Variants in TAB2 observed in about 807,000 individuals in gnomAD.
TAB2 encodes the protein TGF-beta-activated kinase 1 and MAP3K7-binding protein 2.
In TAB2, 3 loss-of-function variants were observed where a neutral mutation model predicts 65.0. That is an observed-to-expected ratio of 0.05 (90% CI 0.02 to 0.12). The LOEUF (loss-of-function observed/expected upper bound fraction) is 0.12, where lower values mean the gene tolerates loss of function less well. TAB2 is among the 10% of genes least tolerant of loss of function. The pLI is 1.00. For missense variants in TAB2, 623 were observed against 840.3 expected (o/e 0.74, Z 3.20); for synonymous variants, 298 against 285.1 (o/e 1.05, Z -0.46).
At chr6:149,386,504 G>A (rs117951327) in intron 3 of TAB2, among the ~76,000 whole-genome samples, 16 of 151,790 alleles carry the variant, frequency 1.1e-4, no homozygotes, top group East Asian at 9.7e-4. Context: ...TTTCTTTCTC[G>A]ATAAATTTAC....
intron 2 of TAB2, among the ~76,000 whole-genome samples, chr6:149,372,768 G>A (rs762671488): frequency 3.3e-5 from 5 of 152,180 alleles, no homozygotes; most frequent in Non-Finnish European, 5.9e-5. Flanking sequence ...AATAGGAAGA[G>A]CTCCTTCCTC....
intron 1 of TAB2, chr6:149,246,853 C>T (rs890707882): frequency 2.0e-5 from 3 of 152,394 alleles, no homozygotes; most frequent in African/African-American, 7.2e-5. Flanking sequence ...GATTTCCTCT[C>T]TGCAATATTG....
Position 149,397,985 on chromosome 6 carries a change from A to G in TAB2, c.1781A>G (p.Gln594Arg), listed in dbSNP as rs1428035306. Residue 594 changes from glutamine (Q) to arginine (R), a missense_variant, in exon 5 of 7, where the codon CAG becomes CGG. Gln to Arg is a conservative substitution (Grantham distance 43). This residue lies in a region of TAB2 where 56 missense variants were observed against 130.3 expected (regional missense o/e 0.43). Transcript: ENST00000637181. ...SQIPSLEEMQ[Q>R]LRSCNRQLQI... Reference sequence around the variant, plus strand: ...ATTTTTCAGCTTGAAGAAATGCAGCAGCTGAGAAGTTGTAATAGACAACTC... The same window carrying G: ...ATTTTTCAGCTTGAAGAAATGCAGCGGCTGAGAAGTTGTAATAGACAACTC... 1.3e-5 allele frequency: 21 copies of G among 1,613,588 alleles called. No individual in the cohort carries two copies. The highest frequency in any genetic ancestry group is 1.6e-5 in the Non-Finnish European group (19 of 1,179,870).
At chr6:149,360,574 T>A (rs544765675) in intron 1 of TAB2, among the ~76,000 whole-genome samples, 3 of 152,280 alleles carry the variant, frequency 2.0e-5, no homozygotes, top group African/African-American at 7.2e-5. Context: ...ACACTGGGGA[T>A]CATAATTCAA....
At chr6:149,271,817 T>A in intron 1 of TAB2, among the ~76,000 whole-genome samples, 1 of 152,142 alleles carries the variant, frequency 6.6e-6, no homozygotes, top group African/African-American at 2.4e-5. Context: ...AAGCAGAAGC[T>A]GCCTTTTGCA....
rs35922173 is a variant in TAB2, at chr6:149,324,826, C to CTTTT, written c.-90+6826_-90+6829dup. On this transcript the variant is annotated intron_variant, in intron 1 of 6. Coordinates refer to ENST00000637181, the MANE Select transcript of TAB2 (RefSeq NM_001292034.3). ...TGGTTTTAAACTGTGGAAAATATTA[C>CTTTT]TTTTTTTTTTTTTTTTTTGGAGTGC... is the stretch of plus-strand genomic sequence containing the variant. Among the ~76,000 whole-genome samples the CTTTT allele has an allele frequency of 2.9e-4, 38 of 132,800 alleles. 1 individual carries two copies. The highest frequency in any genetic ancestry group is 9.7e-4 in the African/African-American group (34 of 35,106). 87.1% of individuals were successfully genotyped at this position (132,800 alleles called of 152,430 possible). A position where few individuals can be genotyped will look rare whatever the true frequency, so the allele number is the denominator to read the frequency against.
intron 1 of TAB2, among the ~76,000 whole-genome samples, chr6:149,345,785 C>G (rs899867920): frequency 6.6e-6 from 1 of 151,930 alleles, no homozygotes; most frequent in Non-Finnish European, 1.5e-5. Flanking sequence ...TTTTGTGTGT[C>G]TTTATTTTTA....
intron 3 of TAB2, among the ~76,000 whole-genome samples, chr6:149,393,449 G>A (rs1583154796): frequency 1.3e-5 from 2 of 152,280 alleles, no homozygotes; most frequent in African/African-American, 2.4e-5. Context: ...GAAATATTCT[G>A]AAGAATTTAC....
intron 1 of TAB2, among the ~76,000 whole-genome samples, chr6:149,284,600 A>C (rs1373177247): frequency 6.7e-6 from 1 of 149,500 alleles, no homozygotes; most frequent in Non-Finnish European, 1.5e-5. Flanking sequence ...ATTAGATCTA[A>C]TTTTCACTCT....
At chr6:149,309,989 G>A (rs1779141087) in intron 1 of TAB2, among the ~76,000 whole-genome samples, 1 of 151,996 alleles carries the variant, frequency 6.6e-6, no homozygotes, top group African/African-American at 2.4e-5. Context: ...AAAATATCCA[G>A]GTGCTTTTAA....
intron 1 of TAB2, among the ~76,000 whole-genome samples, chr6:149,354,070 A>T (rs1780576491): frequency 6.6e-6 from 1 of 152,190 alleles, no homozygotes; most frequent in Admixed American, 6.5e-5. Context: ...AATGTCCTTT[A>T]CTGGATATTG....
intron 1 of TAB2, among the ~76,000 whole-genome samples, chr6:149,350,482 G>A (rs770311052): frequency 6.6e-5 from 10 of 152,104 alleles, no homozygotes; most frequent in Non-Finnish European, 1.2e-4. Flanking sequence ...TGCTTTTAGC[G>A]TATGTTGAAA....
intron 3 of TAB2, among the ~76,000 whole-genome samples, chr6:149,393,690 C>G (rs1317239556): frequency 1.3e-5 from 2 of 152,140 alleles, no homozygotes; most frequent in Non-Finnish European, 2.9e-5. Flanking sequence ...GAATGCTCAA[C>G]CTTATCCTGG....
intron 1 of TAB2, among the ~76,000 whole-genome samples, chr6:149,225,316 C>T (rs1446929217): frequency 2.0e-5 from 3 of 150,946 alleles, no homozygotes; most frequent in Non-Finnish European, 4.4e-5. Flanking sequence ...CCAATTTGTA[C>T]ATCAGATAAT....
chr6:149,236,786 C>G (rs1011953615), intron 1 of TAB2, among the ~76,000 whole-genome samples: 3 of 152,150 alleles, frequency 2.0e-5, no homozygotes, highest in Non-Finnish European at 4.4e-5. Context: ...GTCCAATTTT[C>G]CCCTTGCATA....
intron 6 of TAB2, among the ~76,000 whole-genome samples, chr6:149,404,747 T>C (rs1266437247): frequency 2.0e-5 from 3 of 152,150 alleles, no homozygotes; most frequent in South Asian, 2.1e-4. Context: ...TACTTCACAC[T>C]GTATACAAAA....
chr6:149,383,130 G>A (rs751610443), intron 3 of TAB2, among the ~76,000 whole-genome samples: 1 of 151,870 alleles, frequency 6.6e-6, no homozygotes, highest in Non-Finnish European at 1.5e-5. Context: ...ACTTCAGCCT[G>A]GCAACAGAGT....
In TAB2 at chr6:149,407,955, A is replaced by C. The variant is rs186737611; in HGVS notation, c.1940-1622A>C. Reference sequence around the variant, plus strand: ...TTGAAGTGTAAAAAGGGACTTCCTTATGGTCACTCTTCCTAAAATTTTAAC... The same window carrying C: ...TTGAAGTGTAAAAAGGGACTTCCTTCTGGTCACTCTTCCTAAAATTTTAAC... On this transcript the variant is annotated intron_variant, in intron 6 of 6. Transcript: ENST00000637181. Among the ~76,000 whole-genome samples, 367 of 152,252 alleles carry C rather than the reference A, an allele frequency of 2.4e-3. 2 individuals carry two copies. Among genetic ancestry groups the C allele is most frequent in the African/African-American group, 8.5e-3 (353 of 41,572 alleles).
intron 1 of TAB2, among the ~76,000 whole-genome samples, chr6:149,264,552 G>C (rs1040290874): frequency 2.0e-5 from 3 of 152,138 alleles, no homozygotes; most frequent in Non-Finnish European, 4.4e-5. Context: ...GATCGAGTCA[G>C]GGTATTTAGG....
Sources: allele counts gnomAD v4.1 joint callset (sites outside exome capture counted in the v4.1 genomes callset), GRCh38; gene constraint gnomAD v4.1.1; regional missense constraint gnomAD v4.1.1; transcripts MANE v1.5; gene names NCBI Gene and HGNC (gene_info 2026-07-23, HGNC 2026-07-21).